RTF1: variants seen among roughly 807,000 people sequenced by gnomAD.
RTF1 encodes RTF1 homolog, Paf1/RNA polymerase II complex component, also known as RNA polymerase-associated protein RTF1 homolog.
RTF1 carries 10 observed loss-of-function variants against 95.7 expected under a neutral mutation model. The observed-to-expected ratio is 0.10, with a 90% CI of 0.06 to 0.18. RTF1 has a LOEUF of 0.18. Ranked by LOEUF, RTF1 falls within the 10% of genes least tolerant of loss-of-function variation. The pLI is 1.00. For missense variants in RTF1, 458 were observed against 875.6 expected, an observed-to-expected ratio of 0.52 and a Z score of 6.02; for synonymous variants, 305 against 311.8, an observed-to-expected ratio of 0.98 and a Z score of 0.23.
intron 6 of RTF1, among the ~76,000 whole-genome samples, chr15:41,467,391 T>G (rs1386530711): frequency 6.6e-6 from 1 of 152,078 alleles, no homozygotes; most frequent in African/African-American, 2.4e-5. Context: ...GCAAAGGACA[T>G]GGGTATAGAG....
chr15:41,449,898 A>G (rs572169278), intron 2 of RTF1, among the ~76,000 whole-genome samples: 2 of 152,242 alleles, frequency 1.3e-5, no homozygotes, highest in South Asian at 2.1e-4. Context: ...TTAAAGTTTT[A>G]TTAAAAATAA....
intron 6 of RTF1, among the ~76,000 whole-genome samples, chr15:41,469,394 G>C (rs1444992249): frequency 6.7e-6 from 1 of 149,792 alleles, no homozygotes; most frequent in Non-Finnish European, 1.5e-5. Context: ...TTTGTTTTTT[G>C]TATTTTTGGT....
In RTF1 at chr15:41,470,425, G is replaced by A. The variant is rs755577537; in HGVS notation, c.1025+33G>A. The A allele has an allele frequency of 8.1e-6, 13 of 1,604,096 alleles. No homozygotes were observed. The African/African-American group carries it at 1.7e-4, about 22-fold the overall frequency. On this transcript the variant is annotated intron_variant, in intron 7 of 17. Coordinates refer to ENST00000389629, the MANE Select transcript of RTF1 (RefSeq NM_015138.5). ...CTTGTACATTTTGGTCTAGTAGGCA[G>A]GATAGGTGGGTTTTTGAGGAAGAGC...
intron 4 of RTF1, among the ~76,000 whole-genome samples, chr15:41,460,533 C>G (rs1189244914): frequency 2.0e-5 from 3 of 152,146 alleles, no homozygotes; most frequent in Non-Finnish European, 2.9e-5. Flanking sequence ...TATATCTGAA[C>G]TGTGGAAAGC....
intron 6 of RTF1, among the ~76,000 whole-genome samples, chr15:41,469,216 C>A (rs2050896896): frequency 1.3e-5 from 2 of 152,144 alleles, no homozygotes; most frequent in African/African-American, 4.8e-5. Flanking sequence ...ATCCGCCTTG[C>A]CTTGGCCTCC....
At chr15:41,431,094 C>T (rs1040364167) in intron 1 of RTF1, among the ~76,000 whole-genome samples, 7 of 150,422 alleles carry the variant, frequency 4.7e-5, no homozygotes, top group South Asian at 2.1e-4. Context: ...TTAGTAGAGA[C>T]GGGGTTTCAT....
At chr15:41,436,556 G>A (rs1384344516) in intron 1 of RTF1, among the ~76,000 whole-genome samples, 7 of 149,682 alleles carry the variant, frequency 4.7e-5, no homozygotes, top group African/African-American at 1.2e-4. Context: ...CCCGGGAGGC[G>A]GAGCTTGCAG....
Position 41,417,318 on chromosome 15 carries a change from G to A in RTF1, c.198+5G>A. The A allele has an allele frequency of 3.2e-6, 4 of 1,247,194 alleles. No homozygotes were observed. Among genetic ancestry groups the A allele is most frequent in the Non-Finnish European group, 4.0e-6 (4 of 988,020 alleles). 77.3% of individuals were successfully genotyped at this position (1,247,194 alleles called of 1,614,324 possible). A position where few individuals can be genotyped will look rare whatever the true frequency, so the allele number is the denominator to read the frequency against. On this transcript the variant is annotated splice_donor_5th_base_variant and intron_variant, in intron 1 of 17. Coordinates refer to ENST00000389629, the MANE Select transcript of RTF1 (RefSeq NM_015138.5). ...AGCGACGAGAACCTGGATCAGGTGAGGGCAGGCCGCGGAGGCGCGGGCCGG... is the reference window on the plus strand; with the variant it reads ...AGCGACGAGAACCTGGATCAGGTGAAGGCAGGCCGCGGAGGCGCGGGCCGG...
chr15:41,430,569 GTC>G (rs371279764), intron 1 of RTF1, among the ~76,000 whole-genome samples: 76 of 151,764 alleles, frequency 5.0e-4, no homozygotes, highest in African/African-American at 1.8e-3. Flanking sequence ...ATGAAACCCT[GTC>G]TCTACTAATA....
intron 8 of RTF1, among the ~76,000 whole-genome samples, chr15:41,472,703 CTCTT>C (rs1425514149): frequency 7.0e-6 from 1 of 143,104 alleles, no homozygotes; most frequent in Non-Finnish European, 1.5e-5. Context: ...TAGACTGAGT[CTCTT>C]TTTTTTTTTT....
At chr15:41,445,753 G>A (rs1398127038) in intron 2 of RTF1, among the ~76,000 whole-genome samples, 1 of 77,244 alleles carries the variant, frequency 1.3e-5, no homozygotes, top group Non-Finnish European at 2.7e-5. Flanking sequence ...TTTTTTTTTT[G>A]GAAACAGAGT....
At position 41,474,651 on chromosome 15, in the gene RTF1, C is replaced by T; in HGVS notation, c.1235C>T (p.Ala412Val). 1 of 1,614,036 alleles carries T rather than the reference C, an allele frequency of 6.2e-7. No homozygotes were observed. Among genetic ancestry groups the T allele is most frequent in the Non-Finnish European group, 8.5e-7 (1 of 1,179,960 alleles). ...GAGATTACGGGTGTTGTGGAAACTG[C>T]CAAAGTTTACCAACTAGGTGGCACC... Reference protein sequence around the residue: ...VAEITGVVETAKVYQLGGTRT... With the variant: ...VAEITGVVETVKVYQLGGTRT... The change falls in exon 9 of 18, where the codon GCC becomes GTC. Residue 412 changes from alanine (A) to valine (V), a missense_variant. Coordinates refer to ENST00000389629, the MANE Select transcript of RTF1 (RefSeq NM_015138.5).
intron 2 of RTF1, chr15:41,448,775 A>G (rs2050775728): frequency 6.6e-6 from 1 of 152,132 alleles, no homozygotes; most frequent in South Asian, 2.1e-4. Context: ...TTTGCATGTC[A>G]TCTTTGCACA....
Position 41,446,933 on chromosome 15 carries a change from A to G in RTF1, c.310-5968A>G, listed in dbSNP as rs1256715220. ...TTCTCCTCCCTTGGCCTCCTGAGTA[A>G]CTGGGATTATAGGCGCCCACCACCA... is the stretch of plus-strand genomic sequence containing the variant. On this transcript the variant is annotated intron_variant, in intron 2 of 17. Transcript: ENST00000389629. Among the ~76,000 whole-genome samples, 3 of 151,752 alleles carry G rather than the reference A, an allele frequency of 2.0e-5. No individual in the cohort carries two copies. In the East Asian group the frequency reaches 5.8e-4, roughly 29 times the overall value.
intron 1 of RTF1, among the ~76,000 whole-genome samples, chr15:41,432,863 A>G (rs12907526): frequency 0.82 from 124,016 of 151,466 alleles, 51,563 homozygotes; most frequent in East Asian, 1. Flanking sequence ...TGCTTGAACC[A>G]GGAGGCCGAG....
intron 2 of RTF1, among the ~76,000 whole-genome samples, chr15:41,443,762 A>G (rs2050746851): frequency 6.6e-6 from 1 of 152,034 alleles, no homozygotes; most frequent in Admixed American, 6.6e-5. Flanking sequence ...TATTGTAGCT[A>G]GAGGTGCAAT....
At chr15:41,447,446 A>G (rs984131531) in intron 2 of RTF1, among the ~76,000 whole-genome samples, 10 of 152,256 alleles carry the variant, frequency 6.6e-5, no homozygotes, top group Middle Eastern at 3.4e-3. Flanking sequence ...TCAGCGTGAC[A>G]TGGGGGAATA....
intron 1 of RTF1, among the ~76,000 whole-genome samples, chr15:41,425,904 G>A (rs1423809670): frequency 6.6e-6 from 1 of 152,118 alleles, no homozygotes; most frequent in East Asian, 1.9e-4. Context: ...GTTTAGAGGT[G>A]AAGATCCTGC....
rs1300203351 is a variant in RTF1, at chr15:41,471,227, C to T, written c.1081C>T (p.Arg361Trp). Reference protein sequence around the residue: ...QPVSLPEELNRVRLSRHKLER... With the variant: ...QPVSLPEELNWVRLSRHKLER... ...AGTTTCCTTACCTGAAGAATTGAAT[C>T]GGGTTCGATTATCACGGCATAAGCT... Residue 361 changes from arginine to tryptophan, a missense_variant, in exon 8 of 18, where the codon CGG (arginine) becomes TGG (tryptophan). Physicochemically the swap from Arg to Trp is moderately radical, Grantham distance 101 (BLOSUM62 -3). This residue lies in a region of RTF1 where 150 missense variants were observed against 275.7 expected (regional missense o/e 0.54). Coordinates refer to ENST00000389629, the MANE Select transcript of RTF1 (RefSeq NM_015138.5). 1.9e-6 allele frequency: 3 copies of T among 1,613,440 alleles called. No homozygotes were observed. Among genetic ancestry groups the T allele is most frequent in the Non-Finnish European group, 2.5e-6 (3 of 1,179,876 alleles).
Sources: allele counts gnomAD v4.1 joint callset (sites outside exome capture counted in the v4.1 genomes callset), GRCh38; gene constraint gnomAD v4.1.1; regional missense constraint gnomAD v4.1.1; transcripts MANE v1.5; gene names NCBI Gene and HGNC (gene_info 2026-07-23, HGNC 2026-07-21).